AOX1: variants seen among roughly 807,000 people sequenced by gnomAD.
AOX1 encodes the protein aldehyde oxidase.
AOX1 carries 153 observed loss-of-function variants against 169.5 expected under a neutral mutation model. The observed-to-expected ratio is 0.90, with a 90% CI of 0.79 to 1.03. The LOEUF (loss-of-function observed/expected upper bound fraction) is 1.03. AOX1 is among the 50% of genes least tolerant of loss of function. The pLI, the probability that AOX1 is intolerant of heterozygous loss-of-function variation, is 0.00. For synonymous variants in AOX1, 562 were observed against 581.9 expected (o/e 0.97, Z 0.49); for missense variants, 1,656 against 1,663.9 (o/e 1.00, Z 0.08).
At chr2:200,615,867 C>T (rs1054613541) in intron 15 of AOX1, 104 bp from the exon 16 acceptor site, 9 of 804,368 alleles carry the variant, frequency 1.1e-5, no homozygotes, top group African/African-American at 8.6e-5. Flanking sequence ...ATACGTGAGA[C>T]TTCAGAGTAG....
chr2:200,642,364 T>G lies in AOX1; in HGVS notation c.2656-246T>G, dbSNP rs187873439. Among the ~76,000 whole-genome samples the G allele has an allele frequency of 1.0e-3, 158 of 152,254 alleles. 1 individual carries two copies. Among genetic ancestry groups the G allele is most frequent in the African/African-American group, 3.5e-3 (144 of 41,544 alleles). ...CAAAGGCCTTTGTATATATTTGAAA[T>G]CTTAAAAAATGCATTAACTCCAAAA... On this transcript the variant is annotated intron_variant, in intron 24 of 34. Coordinates refer to ENST00000374700, the MANE Select transcript of AOX1 (RefSeq NM_001159.4).
chr2:200,658,038 T>C (rs1265625233), intron 27 of AOX1, among the ~76,000 whole-genome samples: 1 of 152,250 alleles, frequency 6.6e-6, no homozygotes, highest in Non-Finnish European at 1.5e-5. Flanking sequence ...GATACATATA[T>C]GATTTATTTA....
rs2034028581 is a variant in AOX1 at position 200,586,243 on chromosome 2, C to A, written c.45+90C>A. 4.4e-6 allele frequency: 6 copies of A among 1,376,568 alleles called. No individual in the cohort carries two copies. The Admixed American group carries it at 1.6e-4, about 37-fold the overall frequency. The allele number at this position is 1,376,568 out of a possible 1,614,324, so 85.3% of individuals were successfully genotyped here. On this transcript the variant is annotated intron_variant, in intron 1 of 34. Transcript: ENST00000374700. ...CTGCCGTTCGTCCCATCCTTTCGTG[C>A]CCGCCGTTTAAGGCACTCAGGCACG...
At chr2:200,618,486 T>G (rs2034815268) in intron 16 of AOX1, among the ~76,000 whole-genome samples, 1 of 152,182 alleles carries the variant, frequency 6.6e-6, no homozygotes, top group Non-Finnish European at 1.5e-5. Context: ...CAGCCACAAT[T>G]TGGTTGACAT....
intron 26 of AOX1, among the ~76,000 whole-genome samples, chr2:200,653,352 G>C (rs2035618850): frequency 6.6e-6 from 1 of 152,182 alleles, no homozygotes; most frequent in South Asian, 2.1e-4. Flanking sequence ...CCTCCATTCT[G>C]AAACAAACTA....
intron 18 of AOX1, among the ~76,000 whole-genome samples, chr2:200,623,309 C>T (rs759850535): frequency 6.6e-6 from 1 of 152,222 alleles, no homozygotes; most frequent in Admixed American, 6.5e-5. Context: ...AGCTGTCAAC[C>T]CCCCCAGGAA....
chr2:200,664,589 A>G (rs1220262783), intron 31 of AOX1, among the ~76,000 whole-genome samples: 2 of 152,226 alleles, frequency 1.3e-5, no homozygotes, highest in African/African-American at 4.8e-5. Flanking sequence ...CCTATAACTT[A>G]TTTGAATGAT....
At chr2:200,662,364 G>T (rs2035844092) in intron 30 of AOX1, among the ~76,000 whole-genome samples, 2 of 152,178 alleles carry the variant, frequency 1.3e-5, no homozygotes, top group South Asian at 4.1e-4. Flanking sequence ...TTAAAGATTA[G>T]TTAGGAACAG....
chr2:200,623,763 C>A, intron 18 of AOX1, 98 bp from the exon 19 acceptor site: 1 of 1,562,186 alleles, frequency 6.4e-7, no homozygotes, highest in Non-Finnish European at 8.8e-7. Flanking sequence ...TAGCCCTAGC[C>A]CTACTGTAAT....
At chr2:200,616,477 A>G (rs1025336450) in intron 16 of AOX1, among the ~76,000 whole-genome samples, 6 of 152,242 alleles carry the variant, frequency 3.9e-5, no homozygotes, top group Admixed American at 3.3e-4. Context: ...AGGTTGATGA[A>G]AATTCAATAA....
chr2:200,612,377 T>A (rs2034657355), intron 13 of AOX1, among the ~76,000 whole-genome samples: 1 of 152,128 alleles, frequency 6.6e-6, no homozygotes, highest in South Asian at 2.1e-4. Context: ...CAACGGAGAA[T>A]GATTTTCTGG....
chr2:200,598,265 G>A (rs973184301), intron 4 of AOX1, among the ~76,000 whole-genome samples: 6 of 152,050 alleles, frequency 3.9e-5, no homozygotes, highest in Non-Finnish European at 8.8e-5. Context: ...TGATCTTAAG[G>A]CTGAGTGAAA....
chr2:200,616,080 GT>G lies in AOX1; in HGVS notation c.1704+22del. ...AAGTACCAGGTGAGCGGTATTTCTTGTTTTTAAAAATTCACAATCTGGGCTA... is the reference window on the plus strand; with the variant it reads ...AAGTACCAGGTGAGCGGTATTTCTTGTTTTAAAAATTCACAATCTGGGCTA... On this transcript the variant is annotated intron_variant, in intron 16 of 34. Transcript: ENST00000374700. 6.3e-7 allele frequency: 1 copy of G among 1,589,302 alleles called. No individual in the cohort carries two copies. Among genetic ancestry groups the G allele is most frequent in the Non-Finnish European group, 8.6e-7 (1 of 1,157,834 alleles).
chr2:200,652,692 T>C (rs2035603648), intron 26 of AOX1, among the ~76,000 whole-genome samples: 2 of 152,206 alleles, frequency 1.3e-5, no homozygotes, highest in South Asian at 4.1e-4. Context: ...ATTTGATGGC[T>C]GCCATTACTT....
rs1470559474 is a variant in AOX1, at chr2:200,642,710, C to T, written c.2756C>T (p.Ala919Val). 1.2e-6 allele frequency: 2 copies of T among 1,614,166 alleles called. No individual in the cohort carries two copies. The highest frequency in any genetic ancestry group is 4.5e-5 in the East Asian group (2 of 44,878). The change falls in exon 25 of 35, where the codon GCT becomes GTT. Residue 919 changes from alanine to valine, a missense_variant. Physicochemically the swap from Ala to Val is moderately conservative, Grantham distance 64. Transcript: ENST00000374700. ...AGAACCAACCTTCCATCCAACACAG[C>T]TTTTCGTGGGTTTGGCTTTCCTCAG... is the stretch of plus-strand genomic sequence containing the variant. ...ACRTNLPSNT[A>V]FRGFGFPQAA... is the part of the protein sequence containing the mutation.
At chr2:200,602,064 A>G (rs2034426472) in intron 5 of AOX1, among the ~76,000 whole-genome samples, 1 of 152,034 alleles carries the variant, frequency 6.6e-6, no homozygotes, top group Non-Finnish European at 1.5e-5. Context: ...ATAACTTTAC[A>G]GGAGAAAGTA....
At chr2:200,625,571 T>G (rs1176528471) in intron 19 of AOX1, among the ~76,000 whole-genome samples, 4 of 152,208 alleles carry the variant, frequency 2.6e-5, no homozygotes, top group Non-Finnish European at 5.9e-5. Context: ...GATCATCAAC[T>G]GGATCAGAGC....
intron 4 of AOX1, 26 bp downstream of exon 4, chr2:200,597,531 G>C (rs753511541): frequency 6.5e-7 from 1 of 1,528,616 alleles, no homozygotes; most frequent in African/African-American, 1.4e-5. Flanking sequence ...TTCCTTATAG[G>C]CTTTCTGTGC....
rs769085798 is a variant in AOX1 at position 200,599,715 on chromosome 2, C to T, written c.405C>T (p.Pro135=). Residue 135 remains proline, a synonymous_variant, in exon 5 of 35, where the codon CCC becomes CCT. Transcript: ENST00000374700. ...CGCTGCTCAGGAACCACCCAGAGCCCACTCTGGATCAGTTAACTGATGCCC... is the reference window on the plus strand; with the variant it reads ...CGCTGCTCAGGAACCACCCAGAGCCTACTCTGGATCAGTTAACTGATGCCC... ...IYTLLRNHPE[P]TLDQLTDALG... is the part of the protein sequence containing the mutation. 1.0e-5 allele frequency: 16 copies of T among 1,606,744 alleles called. No homozygotes were observed. The South Asian group carries it at 1.8e-4, about 18-fold the overall frequency.
Sources: allele counts gnomAD v4.1 joint callset (sites outside exome capture counted in the v4.1 genomes callset), GRCh38; gene constraint gnomAD v4.1.1; transcripts MANE v1.5; gene names NCBI Gene and HGNC (gene_info 2026-07-23, HGNC 2026-07-21).